Variants in CCDC7 observed in about 807,000 individuals in gnomAD.
The protein encoded by CCDC7 is coiled-coil domain containing 7.
A neutral mutation model predicts 196.9 loss-of-function variants in CCDC7; 183 were observed. That is an observed-to-expected ratio of 0.93 (90% CI 0.82 to 1.05). The LOEUF (loss-of-function observed/expected upper bound fraction) is 1.05. Ranked by LOEUF, CCDC7 falls within the 50% of genes least tolerant of loss-of-function variation. The pLI is 0.00. For synonymous variants in CCDC7, 525 were observed against 484.6 expected (o/e 1.08, Z -1.10); for missense variants, 1,540 against 1,482.2 (o/e 1.04, Z -0.64).
At chr10:32,839,558 G>A (rs1162654582) in intron 33 of CCDC7, among the ~76,000 whole-genome samples, 1 of 151,912 alleles carries the variant, frequency 6.6e-6, no homozygotes, top group Non-Finnish European at 1.5e-5. Context: ...AATAGTGGGG[G>A]ACTTTAATAC....
chr10:32,604,748 C>G (rs1210867008), intron 18 of CCDC7, among the ~76,000 whole-genome samples: 2 of 151,612 alleles, frequency 1.3e-5, no homozygotes, highest in African/African-American at 4.8e-5. Flanking sequence ...TATAGAAATG[C>G]AACTGATTTT....
intron 13 of CCDC7, among the ~76,000 whole-genome samples, chr10:32,562,025 C>T (rs1396680585): frequency 2.0e-5 from 3 of 152,196 alleles, no homozygotes; most frequent in East Asian, 1.9e-4. Flanking sequence ...ACAAACACCT[C>T]TCCGCAAATA....
At chr10:32,701,289 C>T (rs530123937) in intron 24 of CCDC7, among the ~76,000 whole-genome samples, 2 of 152,208 alleles carry the variant, frequency 1.3e-5, no homozygotes, top group South Asian at 4.1e-4. Flanking sequence ...TTGTCAAAGG[C>T]CTTTTCTTCA....
intron 19 of CCDC7, 51 bp from the exon 21 acceptor site, chr10:32,635,006 G>C (rs1345820799): frequency 2.5e-6 from 1 of 397,446 alleles, no homozygotes; most frequent in Non-Finnish European, 4.4e-6. Context: ...AAGTATTGCT[G>C]ATTACTTGAC....
chr10:32,537,933 C>G (rs2136032963), intron 11 of CCDC7, among the ~76,000 whole-genome samples: 1 of 152,242 alleles, frequency 6.6e-6, no homozygotes, highest in Admixed American at 6.5e-5. Context: ...TGTGATGCCT[C>G]TAACTTTATT....
At chr10:32,808,270 G>A (rs943404859) in intron 30 of CCDC7, among the ~76,000 whole-genome samples, 2 of 152,052 alleles carry the variant, frequency 1.3e-5, no homozygotes, top group Admixed American at 6.6e-5. Flanking sequence ...AGGGGCCAGG[G>A]GATTACCTTG....
chr10:32,478,501 A>G (rs761194740), intron 8 of CCDC7, among the ~76,000 whole-genome samples: 14 of 152,190 alleles, frequency 9.2e-5, no homozygotes, highest in Non-Finnish European at 1.5e-4. Context: ...TATAATTTAC[A>G]AAGAGTTTTT....
chr10:32,596,397 C>T (rs2060360404), intron 18 of CCDC7, among the ~76,000 whole-genome samples: 1 of 152,082 alleles, frequency 6.6e-6, no homozygotes, highest in South Asian at 2.1e-4. Flanking sequence ...GTAGATCTTC[C>T]TCCATCCCTT....
At position 32,567,720 on chromosome 10, in the gene CCDC7, G is replaced by GT. The variant is rs770699872; in HGVS notation, c.1250dup (p.Leu417PhefsTer3). On this transcript the variant is annotated frameshift_variant, in exon 15 of 42. Coordinates refer to ENST00000639629, the Ensembl canonical transcript of CCDC7. LOFTEE classifies it high-confidence loss of function. ...TTAACTATTTCCTAAATCAAGAGAAGTTACTTAAAAGTGAGGGGAAAACTG... is the reference window on the plus strand; with the variant it reads ...TTAACTATTTCCTAAATCAAGAGAAGTTTACTTAAAAGTGAGGGGAAAACTG... The GT allele has an allele frequency of 6.2e-7, 1 of 1,613,404 alleles. No individual in the cohort carries two copies. Among genetic ancestry groups the GT allele is most frequent in the African/African-American group, 1.3e-5 (1 of 75,012 alleles).
intron 41 of CCDC7, among the ~76,000 whole-genome samples, chr10:32,861,294 C>T (rs188121949): frequency 9.3e-4 from 141 of 152,000 alleles, no homozygotes; most frequent in African/African-American, 2.9e-3. Context: ...TGATTTTTGA[C>T]GAACCTGACA....
At chr10:32,609,035 T>C (rs1169464377) in intron 18 of CCDC7, among the ~76,000 whole-genome samples, 4 of 152,216 alleles carry the variant, frequency 2.6e-5, no homozygotes, top group African/African-American at 9.6e-5. Context: ...GCCTAAGATA[T>C]GATCTATCCT....
chr10:32,838,117 G>C lies in CCDC7; in HGVS notation c.3352+3219G>C, dbSNP rs547507428. Among the ~76,000 whole-genome samples, 30 of 151,992 alleles carry C rather than the reference G, an allele frequency of 2.0e-4. No individual in the cohort carries two copies. In the South Asian group the frequency reaches 6.0e-3, roughly 31 times the overall value. The stretch of plus-strand genomic sequence containing the variant: ...AATAATAAAAATAAATAGGTTCAGA[G>C]AATTCAAGGAAACCATAATTAAAGC... On this transcript the variant is annotated intron_variant, in intron 33 of 41. Transcript: ENST00000639629.
At chr10:32,560,488 G>T (rs1200823732) in intron 13 of CCDC7, among the ~76,000 whole-genome samples, 1 of 151,310 alleles carries the variant, frequency 6.6e-6, no homozygotes, top group East Asian at 1.9e-4. Context: ...CAGAAACTCT[G>T]CAAGCCAGAA....
At chr10:32,523,836 T>G (rs1263484020) in intron 11 of CCDC7, among the ~76,000 whole-genome samples, 1 of 152,168 alleles carries the variant, frequency 6.6e-6, no homozygotes, top group Non-Finnish European at 1.5e-5. Flanking sequence ...GAATATCTTT[T>G]TCCATTCCTA....
At chr10:32,746,475 C>T (rs142509741) in intron 28 of CCDC7, among the ~76,000 whole-genome samples, 1 of 152,130 alleles carries the variant, frequency 6.6e-6, no homozygotes, top group Non-Finnish European at 1.5e-5. Context: ...GCATGGCCAG[C>T]GATGCCCATC....
chr10:32,489,237 G>A (rs573635932), intron 8 of CCDC7, among the ~76,000 whole-genome samples: 3 of 152,332 alleles, frequency 2.0e-5, no homozygotes, highest in African/African-American at 7.2e-5. Context: ...CCAGATGCTA[G>A]TGTGTGCAAG....
intron 21 of CCDC7, among the ~76,000 whole-genome samples, chr10:32,674,359 A>G (rs2074569091): frequency 6.6e-6 from 1 of 151,858 alleles, no homozygotes. Flanking sequence ...GTTGTTCAAA[A>G]TTTGTTGTTT....
chr10:32,708,870 A>G lies in CCDC7; in HGVS notation c.2459-2750A>G, dbSNP rs965988038. ...AAATAGGAACACTTTTACACTGCTGATGGGACTGTAAACTAGTTCAACCAT... is the reference window on the plus strand; with the variant it reads ...AAATAGGAACACTTTTACACTGCTGGTGGGACTGTAAACTAGTTCAACCAT... On this transcript the variant is annotated intron_variant, in intron 24 of 41. Coordinates refer to ENST00000639629, the Ensembl canonical transcript of CCDC7. Among the ~76,000 whole-genome samples the G allele has an allele frequency of 3.3e-5, 5 of 152,274 alleles. No individual in the cohort carries two copies. In the East Asian group the frequency reaches 5.8e-4, roughly 18 times the overall value.
At chr10:32,526,495 A>G (rs915139321) in intron 11 of CCDC7, among the ~76,000 whole-genome samples, 4 of 152,130 alleles carry the variant, frequency 2.6e-5, no homozygotes, top group Non-Finnish European at 5.9e-5. Flanking sequence ...GTCTTTCACC[A>G]TAACCTCTAT....
Sources: gnomAD v4.1 joint callset for allele counts (sites outside exome capture counted in the v4.1 genomes callset) on GRCh38, gnomAD v4.1.1 for gene constraint, MANE v1.5 for transcripts, NCBI Gene and HGNC (gene_info 2026-07-23, HGNC 2026-07-21) for gene names.